The following CNTNAP2 variants were observed in gnomAD, a reference collection of about 807,000 sequenced individuals.
The protein encoded by CNTNAP2 is contactin associated protein 2.
Under a neutral mutation model 155.2 loss-of-function variants are expected in CNTNAP2, and 98 were observed. That is an observed-to-expected ratio of 0.63 (90% CI 0.54 to 0.75). The LOEUF is 0.75. Among genes scored for constraint, CNTNAP2 ranks in the 30% least tolerant of loss-of-function variants. The pLI is 0.00. For missense variants in CNTNAP2, 1,727 were observed against 1,688.1 expected (o/e 1.02, Z -0.40); for synonymous variants, 651 against 631.2 (o/e 1.03, Z -0.47).
chr7:146,921,323 G>A (rs149300516), intron 3 of CNTNAP2, among the ~76,000 whole-genome samples: 18 of 152,276 alleles, frequency 1.2e-4, no homozygotes, highest in African/African-American at 4.3e-4. Flanking sequence ...AATGTCCTGA[G>A]AACAGGATAT....
chr7:146,467,191 T>C (rs780361752), intron 1 of CNTNAP2, among the ~76,000 whole-genome samples: 15 of 152,132 alleles, frequency 9.9e-5, no homozygotes, highest in Non-Finnish European at 2.1e-4. Flanking sequence ...AGTTTTCAAG[T>C]ATATTACCAC....
At chr7:147,039,268 CA>C (rs1042718842) in intron 3 of CNTNAP2, among the ~76,000 whole-genome samples, 18 of 152,084 alleles carry the variant, frequency 1.2e-4, no homozygotes, top group Non-Finnish European at 1.9e-4. Context: ...CACAGGTAAA[CA>C]CTCATGTGAC....
intron 17 of CNTNAP2, among the ~76,000 whole-genome samples, chr7:148,164,189 C>T (rs968574514): frequency 5.9e-5 from 9 of 152,192 alleles, no homozygotes; most frequent in African/African-American, 9.7e-5. Context: ...CTGCCTGCCT[C>T]GGCCTCCCAA....
At chr7:147,563,901 A>G (rs897067705) in intron 12 of CNTNAP2, among the ~76,000 whole-genome samples, 1 of 152,178 alleles carries the variant, frequency 6.6e-6, no homozygotes, top group Non-Finnish European at 1.5e-5. Context: ...AGGAACTCTC[A>G]GCAGTATCAG....
At chr7:146,778,976 A>T (rs1168805373) in intron 2 of CNTNAP2, among the ~76,000 whole-genome samples, 5 of 152,296 alleles carry the variant, frequency 3.3e-5, no homozygotes, top group African/African-American at 1.2e-4. Flanking sequence ...TTGGGAACCC[A>T]GGGGACTACT....
intron 15 of CNTNAP2, among the ~76,000 whole-genome samples, chr7:148,035,528 T>A (rs944622076): frequency 5.3e-5 from 8 of 152,264 alleles, no homozygotes; most frequent in Middle Eastern, 3.4e-3. Flanking sequence ...ATAAGGGTAA[T>A]CTTTGGTGGT....
intron 22 of CNTNAP2, among the ~76,000 whole-genome samples, chr7:148,387,460 T>C (rs1390349846): frequency 1.3e-5 from 2 of 152,058 alleles, no homozygotes. Flanking sequence ...GGAAAGAAAA[T>C]AACATGAGAG....
At chr7:147,088,257 A>C (rs1457008909) in intron 4 of CNTNAP2, among the ~76,000 whole-genome samples, 1 of 152,200 alleles carries the variant, frequency 6.6e-6, no homozygotes, top group Admixed American at 6.5e-5. Flanking sequence ...AATAAAGAAA[A>C]GGATCACTAT....
At chr7:148,123,280 A>G (rs1313984425) in intron 16 of CNTNAP2, among the ~76,000 whole-genome samples, 2 of 152,156 alleles carry the variant, frequency 1.3e-5, no homozygotes, top group Admixed American at 6.5e-5. Context: ...AAAGACAACC[A>G]GCTCACACCT....
At chr7:147,562,504 T>C (rs1286220830) in intron 12 of CNTNAP2, among the ~76,000 whole-genome samples, 1 of 152,084 alleles carries the variant, frequency 6.6e-6, no homozygotes, top group Non-Finnish European at 1.5e-5. Context: ...AAAATCAGCA[T>C]GTAGGGGGAA....
intron 15 of CNTNAP2, among the ~76,000 whole-genome samples, chr7:148,028,842 A>G (rs1377050746): frequency 2.0e-5 from 3 of 152,120 alleles, no homozygotes; most frequent in Admixed American, 6.5e-5. Flanking sequence ...ATCATTCTAC[A>G]GTATGAAGCC....
At chr7:146,678,118 AGTACAGTG>A (rs1308566159) in intron 1 of CNTNAP2, among the ~76,000 whole-genome samples, 1 of 152,016 alleles carries the variant, frequency 6.6e-6, no homozygotes, top group African/African-American at 2.4e-5. Context: ...CTGGAGTAGG[AGTACAGTG>A]GCACAAATCT....
chr7:147,014,429 C>G (rs1798682749), intron 3 of CNTNAP2, among the ~76,000 whole-genome samples: 2 of 152,040 alleles, frequency 1.3e-5, no homozygotes, highest in Non-Finnish European at 2.9e-5. Context: ...TATCAGTAAC[C>G]ATGGAAATGT....
chr7:147,578,799 C>T (rs1473237374), intron 12 of CNTNAP2, among the ~76,000 whole-genome samples: 1 of 151,980 alleles, frequency 6.6e-6, no homozygotes, highest in Non-Finnish European at 1.5e-5. Flanking sequence ...CACTTTAAAA[C>T]CCTGTGTATT....
intron 13 of CNTNAP2, among the ~76,000 whole-genome samples, chr7:147,722,054 G>A (rs184430170): frequency 2.0e-5 from 3 of 152,240 alleles, no homozygotes; most frequent in Admixed American, 2.0e-4. Flanking sequence ...GAAAACAGAG[G>A]TACCAAACCT....
intron 1 of CNTNAP2, among the ~76,000 whole-genome samples, chr7:146,771,203 G>C (rs185079380): frequency 8.9e-4 from 135 of 151,766 alleles, no homozygotes; most frequent in Non-Finnish European, 1.6e-3. Context: ...ACATTTTTTC[G>C]TTGGCATGTT....
chr7:146,645,387 G>A (rs529237353), intron 1 of CNTNAP2, among the ~76,000 whole-genome samples: 6 of 152,222 alleles, frequency 3.9e-5, no homozygotes, highest in East Asian at 3.9e-4. Context: ...TAATAACCTC[G>A]ATTCTCATCC....
At chr7:147,246,898 GA>G (rs1279443958) in intron 8 of CNTNAP2, among the ~76,000 whole-genome samples, 1 of 152,028 alleles carries the variant, frequency 6.6e-6, no homozygotes, top group African/African-American at 2.4e-5. Flanking sequence ...AAAAATGAAA[GA>G]AAGGCAAATT....
intron 12 of CNTNAP2, among the ~76,000 whole-genome samples, chr7:147,597,372 G>A (rs1278961493): frequency 2.6e-5 from 4 of 152,092 alleles, no homozygotes; most frequent in African/African-American, 9.7e-5. Context: ...TTTAGGACCA[G>A]TTCAAATATC....
Sources: gnomAD v4.1 joint callset for allele counts (sites outside exome capture counted in the v4.1 genomes callset) on GRCh38, gnomAD v4.1.1 for gene constraint, MANE v1.5 for transcripts, NCBI Gene and HGNC (gene_info 2026-07-23, HGNC 2026-07-21) for gene names.